FARSB: variants seen among roughly 807,000 people sequenced by gnomAD.
FARSB encodes phenylalanyl-tRNA synthetase subunit beta.
Under a neutral mutation model 69.6 loss-of-function variants are expected in FARSB, and 40 were observed. The observed-to-expected ratio is 0.57, with a 90% CI of 0.45 to 0.75. The LOEUF is 0.75. FARSB is among the 30% of genes least tolerant of loss of function. The pLI is 0.00. For synonymous variants in FARSB, 235 were observed against 247.2 expected (o/e 0.95, Z 0.46); for missense variants, 632 against 722.9 (o/e 0.87, Z 1.44).
chr2:222,572,693 G>A (rs1689746596), intron 16 of FARSB, among the ~76,000 whole-genome samples: 1 of 152,174 alleles, frequency 6.6e-6, no homozygotes, highest in Non-Finnish European at 1.5e-5. Context: ...ACAAGTCTGG[G>A]TTGATGCCTC....
At chr2:222,589,308 A>G (rs1438594541) in intron 16 of FARSB, among the ~76,000 whole-genome samples, 1 of 152,230 alleles carries the variant, frequency 6.6e-6, no homozygotes, top group Non-Finnish European at 1.5e-5. Context: ...CTGGCTAGCC[A>G]TATGTAGAAA....
At chr2:222,648,467 A>C (rs1343764944) in intron 2 of FARSB, among the ~76,000 whole-genome samples, 3 of 152,152 alleles carry the variant, frequency 2.0e-5, no homozygotes, top group South Asian at 4.1e-4. Flanking sequence ...GCTTACTTTC[A>C]TACTGGGGTT....
chr2:222,599,905 TG>T (rs754503104), intron 16 of FARSB, 22 bp downstream of exon 16: 49 of 1,548,610 alleles, frequency 3.2e-5, no homozygotes, highest in Non-Finnish European at 4.2e-5. Flanking sequence ...TCACTAACTC[TG>T]GATTCGGCTC....
At position 222,571,997 on chromosome 2, in the gene FARSB, A is replaced by G. The variant is rs1202196438; in HGVS notation, c.1644T>C (p.Cys548=). The G allele has an allele frequency of 6.2e-7, 1 of 1,613,766 alleles. No homozygotes were observed. Among genetic ancestry groups the G allele is most frequent in the African/African-American group, 1.3e-5 (1 of 75,002 alleles). Residue 548 remains cysteine (C), a synonymous_variant, in exon 17 of 17, where the codon TGT becomes TGC. Transcript: ENST00000281828. ...SEGPAFFPGR[C]AEIFARGQSV... ...TTTGACCCCTGGCAAAGATCTCTGC[A>G]CATCGCCCGGGGAAGAAAGCAGGCC...
intron 16 of FARSB, among the ~76,000 whole-genome samples, chr2:222,595,876 A>G (rs1690399301): frequency 6.6e-6 from 1 of 152,062 alleles, no homozygotes; most frequent in African/African-American, 2.4e-5. Context: ...AGTTTGCAAC[A>G]AACCACAAAA....
Position 222,639,666 on chromosome 2 carries a change from TG to T in FARSB, c.368del (p.Ala123GlufsTer7). The T allele has an allele frequency of 6.3e-7, 1 of 1,580,770 alleles. No homozygotes were observed. The highest frequency in any genetic ancestry group is 8.6e-7 in the Non-Finnish European group (1 of 1,159,846). ...TAAACTTTATATTACGGAGAACTGC[TG>T]CTACCGCAAAAGGACGTATCTTAGC... is the stretch of plus-strand genomic sequence containing the variant. ...ETAKIRPFAV[A>X]AVLRNIKFTK... is the part of the protein sequence containing the mutation. On this transcript the variant is annotated frameshift_variant, in exon 5 of 17. Transcript: ENST00000281828. LOFTEE classifies it high-confidence loss of function.
intron 1 of FARSB, among the ~76,000 whole-genome samples, chr2:222,652,644 A>G (rs1306561827): frequency 6.6e-6 from 1 of 152,228 alleles, no homozygotes; most frequent in Non-Finnish European, 1.5e-5. Context: ...AGGTTTGCCA[A>G]CAACCACTTG....
At chr2:222,635,319 G>A (rs964277566) in intron 5 of FARSB, among the ~76,000 whole-genome samples, 2 of 152,146 alleles carry the variant, frequency 1.3e-5, no homozygotes, top group Non-Finnish European at 2.9e-5. Context: ...CAAAATTTGT[G>A]TTCTTAACAT....
chr2:222,574,509 G>A (rs1689788485), intron 16 of FARSB, among the ~76,000 whole-genome samples: 2 of 152,152 alleles, frequency 1.3e-5, no homozygotes, highest in Non-Finnish European at 2.9e-5. Context: ...CAATGGAGCT[G>A]ACAGCACATA....
intron 16 of FARSB, among the ~76,000 whole-genome samples, chr2:222,581,418 T>C (rs1333957610): frequency 6.6e-6 from 1 of 152,204 alleles, no homozygotes; most frequent in Non-Finnish European, 1.5e-5. Flanking sequence ...GTTATGTTTC[T>C]GCATCCCCAC....
In FARSB at chr2:222,642,867, G is replaced by A; in HGVS notation, c.253C>T (p.Gln85Ter). The change falls in exon 3 of 17, where the codon CAG (glutamine) becomes TAG (stop). Residue 85 changes from glutamine to a stop codon, truncating the protein, a stop_gained. Coordinates refer to ENST00000281828, the MANE Select transcript of FARSB (RefSeq NM_005687.5). LOFTEE classifies it high-confidence loss of function. ...TTTCCTTACCTTTCTTTGAAGACCT[G>A]AAGTCCTCGAACCAATCCTTCCAGA... is the stretch of plus-strand genomic sequence containing the variant. ...LCLEGLVRGLQVFKERIKAPV... is the reference protein window; with the variant it reads ...LCLEGLVRGL 1 of 1,606,942 alleles carries A rather than the reference G, an allele frequency of 6.2e-7. No homozygotes were observed. The highest frequency in any genetic ancestry group is 1.1e-5 in the South Asian group (1 of 89,978).
chr2:222,613,977 A>G (rs766088626), intron 14 of FARSB, 49 bp from the exon 15 acceptor site: 2 of 1,112,442 alleles, frequency 1.8e-6, no homozygotes, highest in Admixed American at 3.6e-5. Flanking sequence ...ACCCAAACAA[A>G]GACACTTGGT....
chr2:222,587,002 T>C (rs947469233), intron 16 of FARSB, among the ~76,000 whole-genome samples: 1 of 152,160 alleles, frequency 6.6e-6, no homozygotes. Flanking sequence ...CTGCACCAAG[T>C]GGACCTAATA....
chr2:222,618,177 T>C (rs1328639904), intron 14 of FARSB, among the ~76,000 whole-genome samples: 1 of 152,182 alleles, frequency 6.6e-6, no homozygotes, highest in Admixed American at 6.5e-5. Context: ...GATAAAGAAT[T>C]CATATACTTG....
chr2:222,572,892 T>C (rs528641850), intron 16 of FARSB, among the ~76,000 whole-genome samples: 19 of 152,330 alleles, frequency 1.2e-4, no homozygotes, highest in Middle Eastern at 6.8e-3. Flanking sequence ...AGTTTACAAA[T>C]ATGCTGACTC....
In FARSB at chr2:222,585,137, C is replaced by A. The variant is rs189837861; in HGVS notation, c.1619-13115G>T. ...CATACAGCCGGGTGGCCCTCTGAGA[C>A]AAAGCTTCCAGAGGAAGGATCAGGC... On this transcript the variant is annotated intron_variant, in intron 16 of 16. Coordinates refer to ENST00000281828, the MANE Select transcript of FARSB (RefSeq NM_005687.5). 7.9e-3 allele frequency among the ~76,000 whole-genome samples: 1,206 copies of A among 152,278 alleles called. 15 individuals are homozygous for A. Among genetic ancestry groups the A allele is most frequent in the African/African-American group, 0.028 (1,160 of 41,550 alleles).
At chr2:222,653,900 G>C (rs1281217270) in intron 1 of FARSB, among the ~76,000 whole-genome samples, 1 of 151,948 alleles carries the variant, frequency 6.6e-6, no homozygotes, top group Admixed American at 6.6e-5. Flanking sequence ...GTGATTACAA[G>C]CATCAGCCAT....
rs977674508 is a variant in FARSB, at chr2:222,571,451, C to T, written c.*420G>A. On this transcript the variant is annotated 3_prime_UTR_variant, in exon 17 of 17. Transcript: ENST00000281828. ...TCAAATGTAGAAAATCAAAGCTAAA[C>T]CCCTCAGTTATCTCGAACTCATGCA... The T allele has an allele frequency of 6.9e-6, 1 of 144,806 alleles. No individual in the cohort carries two copies. Among genetic ancestry groups the T allele is most frequent in the Non-Finnish European group, 1.5e-5 (1 of 65,352 alleles). 9.0% of individuals were successfully genotyped at this position (144,806 alleles called of 1,614,324 possible). A position where few individuals can be genotyped will look rare whatever the true frequency, so the allele number is the denominator to read the frequency against.
At chr2:222,588,394 A>G (rs992206030) in intron 16 of FARSB, among the ~76,000 whole-genome samples, 2 of 152,236 alleles carry the variant, frequency 1.3e-5, no homozygotes, top group Admixed American at 1.3e-4. Context: ...ACAAACTCAC[A>G]GCCAATATCA....
Sources: gnomAD v4.1 joint callset for allele counts (sites outside exome capture counted in the v4.1 genomes callset) on GRCh38, gnomAD v4.1.1 for gene constraint, MANE v1.5 for transcripts, NCBI Gene and HGNC (gene_info 2026-07-23, HGNC 2026-07-21) for gene names.